Variants in BNIP3 observed in about 807,000 individuals in gnomAD.
The protein encoded by BNIP3 is BCL2 interacting protein 3, also known as BCL2/adenovirus E1B 19 kDa protein-interacting protein 3.
A neutral mutation model predicts 23.9 loss-of-function variants in BNIP3; 16 were observed. That is an observed-to-expected ratio of 0.67 (90% CI 0.45 to 1.01). BNIP3 has a LOEUF of 1.01. Ranked by LOEUF, BNIP3 falls within the 50% of genes least tolerant of loss-of-function variation. BNIP3 has a pLI of 0.00. For missense variants in BNIP3, 198 were observed against 248.7 expected, an observed-to-expected ratio of 0.80 and a Z score of 1.37; for synonymous variants, 81 against 89.3, an observed-to-expected ratio of 0.91 and a Z score of 0.53.
intron 3 of BNIP3, among the ~76,000 whole-genome samples, chr10:131,971,814 G>A (rs774278472): frequency 1.8e-4 from 28 of 152,314 alleles, no homozygotes; most frequent in Admixed American, 6.5e-4. Context: ...TGGGGCTCCC[G>A]AAATCATGCT....
intron 2 of BNIP3, 83 bp downstream of exon 2, chr10:131,973,710 G>T (rs2037059303): frequency 1.3e-6 from 2 of 1,568,842 alleles, no homozygotes; most frequent in South Asian, 1.2e-5. Context: ...TGTCCTAGAG[G>T]TGACACGGGC....
At chr10:131,971,915 C>T (rs1317217069) in intron 3 of BNIP3, among the ~76,000 whole-genome samples, 3 of 152,206 alleles carry the variant, frequency 2.0e-5, no homozygotes, top group Non-Finnish European at 1.5e-5. Context: ...TTGAGGGAAG[C>T]GCTAGCACGG....
At chr10:131,975,266 T>C (rs568349203) in intron 1 of BNIP3, among the ~76,000 whole-genome samples, 119 of 152,322 alleles carry the variant, frequency 7.8e-4, no homozygotes, top group African/African-American at 2.7e-3. Context: ...AGCGTGCATA[T>C]AGGCACACGT....
At chr10:131,973,433 A>G in intron 2 of BNIP3, 2 of 460,612 alleles carry the variant, frequency 4.3e-6, no homozygotes, top group East Asian at 3.9e-5. Context: ...ACCTTTGACC[A>G]CTGTCGGCCA....
rs896529778 is a variant in BNIP3, at chr10:131,970,138, C to T, written c.539+500G>A. ...AGGCTGCAGTGAGCCGAGATCACGCCCCTGCACTCAGCCTGGGCAACAAGA... is the reference window on the plus strand; with the variant it reads ...AGGCTGCAGTGAGCCGAGATCACGCTCCTGCACTCAGCCTGGGCAACAAGA... On this transcript the variant is annotated intron_variant, in intron 5 of 5. Coordinates refer to ENST00000368636, the MANE Select transcript of BNIP3 (RefSeq NM_004052.4). This position sits in a 1 kb window ranked among gnomAD's most constrained non-coding sequence, Gnocchi z 4.1. The T allele has an allele frequency of 1.2e-5, 2 of 160,360 alleles. No individual in the cohort carries two copies. Among genetic ancestry groups the T allele is most frequent in the African/African-American group, 4.8e-5 (2 of 41,502 alleles). The allele number at this position is 160,360 out of a possible 1,614,324, so 9.9% of individuals were successfully genotyped here. A position where few individuals can be genotyped will look rare whatever the true frequency, so the allele number is the denominator to read the frequency against.
intron 5 of BNIP3, chr10:131,968,799 A>G (rs1205968118): frequency 2.2e-5 from 9 of 408,176 alleles, no homozygotes; most frequent in Admixed American, 1.5e-4. Context: ...ATTCTTACAT[A>G]GAAGGATCAC....
intron 2 of BNIP3, 174 bp downstream of exon 2, chr10:131,973,618 CA>C: frequency 5.0e-6 from 4 of 807,444 alleles, no homozygotes; most frequent in Non-Finnish European, 7.6e-6. Flanking sequence ...ACTGCATCCC[CA>C]AAGAGGGCGA....
chr10:131,980,282 T>C (rs2037109545), intron 1 of BNIP3: 2 of 152,176 alleles, frequency 1.3e-5, no homozygotes, highest in African/African-American at 4.8e-5. Flanking sequence ...GTAACGCGGC[T>C]TCACAACCGG....
chr10:131,981,241 C>CCA (rs2037116279), intron 1 of BNIP3: 1 of 156,446 alleles, frequency 6.4e-6, no homozygotes, highest in Admixed American at 6.5e-5. Context: ...TTTAAAAACG[C>CCA]TGTAACCCCC....
chr10:131,969,117 G>GT (rs1423588395), intron 5 of BNIP3: 2 of 154,586 alleles, frequency 1.3e-5, no homozygotes, highest in East Asian at 3.8e-4. Flanking sequence ...AGAATCGGAA[G>GT]CCTGGCTGGC....
rs2037079138 is a variant in BNIP3 at position 131,976,566 on chromosome 10, T to C, written c.47-2623A>G. On this transcript the variant is annotated intron_variant, in intron 1 of 5. Transcript: ENST00000368636. The surrounding 1 kb of genome is among the most constrained non-coding windows in gnomAD (Gnocchi z 4.3). ...CAGAAACAATTCCAGGGCAGACAAA[T>C]GGAAATGACATACAGCCCAGATCCC... 6.6e-6 allele frequency among the ~76,000 whole-genome samples: 1 copy of C among 152,064 alleles called. No individual in the cohort carries two copies. Among genetic ancestry groups the C allele is most frequent in the Admixed American group, 6.5e-5 (1 of 15,274 alleles).
intron 2 of BNIP3, 163 bp from the exon 3 acceptor site, chr10:131,973,281 T>A: frequency 1.5e-6 from 1 of 663,812 alleles, no homozygotes; most frequent in South Asian, 1.8e-5. Flanking sequence ...GCCAAACTCT[T>A]CCTCAGCCCT....
intron 1 of BNIP3, among the ~76,000 whole-genome samples, chr10:131,974,321 AC>A (rs1189475104): frequency 1.3e-5 from 2 of 152,116 alleles, no homozygotes; most frequent in African/African-American, 4.8e-5. Context: ...TTTAAAAAAA[AC>A]AACAACAACA....
chr10:131,977,976 C>T (rs893319578), intron 1 of BNIP3, among the ~76,000 whole-genome samples: 1 of 152,098 alleles, frequency 6.6e-6, no homozygotes, highest in Non-Finnish European at 1.5e-5. Context: ...CCACTCGGAT[C>T]GTTCACCTTT....
At chr10:131,973,770 T>C (rs2037059737) in intron 2 of BNIP3, 23 bp downstream of exon 2, 1 of 1,611,226 alleles carries the variant, frequency 6.2e-7, no homozygotes, top group Non-Finnish European at 8.5e-7. Flanking sequence ...CTGTAACACA[T>C]ACACTTGTTG....
rs541153750 is a variant in BNIP3, at chr10:131,970,588, A to C, written c.539+50T>G. Reference sequence around the variant, plus strand: ...TTACGAATAAATCACTGCAACCCAGAATCGCCCCACGACATGCCATGACAG... The same window carrying C: ...TTACGAATAAATCACTGCAACCCAGCATCGCCCCACGACATGCCATGACAG... On this transcript the variant is annotated intron_variant, in intron 5 of 5. Transcript: ENST00000368636. This position sits in a 1 kb window ranked among gnomAD's most constrained non-coding sequence, Gnocchi z 4.1. The C allele has an allele frequency of 6.3e-7, 1 of 1,595,398 alleles. No individual in the cohort carries two copies. The highest frequency in any genetic ancestry group is 1.7e-5 in the Admixed American group (1 of 58,506).
chr10:131,977,365 A>C (rs543649396), intron 1 of BNIP3, among the ~76,000 whole-genome samples: 2 of 152,340 alleles, frequency 1.3e-5, no homozygotes, highest in Admixed American at 1.3e-4. Flanking sequence ...ACATACTGTA[A>C]TCTATCACAC....
At position 131,981,740 on chromosome 10, in the gene BNIP3, G is replaced by A. The variant is rs745626300; in HGVS notation, c.46+21C>T. The A allele has an allele frequency of 2.1e-6, 3 of 1,457,020 alleles. No homozygotes were observed. In the South Asian group the frequency reaches 4.0e-5, roughly 19 times the overall value. The allele number at this position is 1,457,020 out of a possible 1,614,324, so 90.3% of individuals were successfully genotyped here. A position where few individuals can be genotyped will look rare whatever the true frequency, so the allele number is the denominator to read the frequency against. The stretch of plus-strand genomic sequence containing the variant: ...TCCCCCCCGCGCCCCCTCGGCTCCC[G>A]CGCCGCCTCCTCCGCCTCACCCTGC... On this transcript the variant is annotated intron_variant, in intron 1 of 5. Coordinates refer to ENST00000368636, the MANE Select transcript of BNIP3 (RefSeq NM_004052.4).
intron 2 of BNIP3, 130 bp from the exon 3 acceptor site, chr10:131,973,248 C>G: frequency 1.1e-6 from 1 of 901,138 alleles, no homozygotes; most frequent in Non-Finnish European, 1.7e-6. Flanking sequence ...ACGCGTCTTC[C>G]CTTCCACCCA....
Sources: allele counts gnomAD v4.1 joint callset (sites outside exome capture counted in the v4.1 genomes callset), GRCh38; gene constraint gnomAD v4.1.1; non-coding constraint Gnocchi (gnomAD v3.1); transcripts MANE v1.5; gene names NCBI Gene and HGNC (gene_info 2026-07-23, HGNC 2026-07-21).